Variants in UBE2Z observed in about 807,000 individuals in gnomAD.
UBE2Z encodes ubiquitin-conjugating enzyme E2 Z.
Under a neutral mutation model 32.6 loss-of-function variants are expected in UBE2Z, and 10 were observed. The ratio of observed to expected loss-of-function variants is 0.31; its 90% CI spans 0.19 to 0.52. UBE2Z has a LOEUF of 0.52. UBE2Z is among the 20% of genes least tolerant of loss of function. The pLI is 0.97. For missense variants in UBE2Z, 343 were observed against 480.9 expected, an observed-to-expected ratio of 0.71 and a Z score of 2.68; for synonymous variants, 183 against 190.8, an observed-to-expected ratio of 0.96 and a Z score of 0.34.
At chr17:48,912,071 T>G (rs1283248178) in intron 2 of UBE2Z, 1 of 151,648 alleles carries the variant, frequency 6.6e-6, no homozygotes, top group East Asian at 1.9e-4. Flanking sequence ...TTTTTTTTTT[T>G]TTTTTAAACA....
chr17:48,920,868 A>C (rs1255330007), intron 4 of UBE2Z, among the ~76,000 whole-genome samples: 2 of 151,824 alleles, frequency 1.3e-5, no homozygotes, highest in African/African-American at 4.8e-5. Flanking sequence ...TTTCCCACAT[A>C]ATCTTTACTT....
At chr17:48,926,864 C>T in intron 6 of UBE2Z, 100 bp from the exon 7 acceptor site, 1 of 1,345,746 alleles carries the variant, frequency 7.4e-7, no homozygotes, top group South Asian at 1.4e-5. Flanking sequence ...TCCCATGGCT[C>T]AGAAGTTGAG....
chr17:48,919,501 A>G (rs1297619493), intron 4 of UBE2Z, among the ~76,000 whole-genome samples: 1 of 152,026 alleles, frequency 6.6e-6, no homozygotes, highest in Non-Finnish European at 1.5e-5. Context: ...CTTTGAGACA[A>G]AGTCTTGCTT....
chr17:48,909,069 T>A, intron 1 of UBE2Z: 2 of 184,666 alleles, frequency 1.1e-5, no homozygotes, highest in Non-Finnish European at 1.1e-5. Flanking sequence ...CAACCTCCCG[T>A]GAGCCCTCCG....
At chr17:48,926,165 C>A (rs183572437) in intron 6 of UBE2Z, among the ~76,000 whole-genome samples, 2 of 152,100 alleles carry the variant, frequency 1.3e-5, no homozygotes, top group Non-Finnish European at 2.9e-5. Context: ...GTGACGAGTC[C>A]CTGGGGAGGA....
chr17:48,920,460 G>A (rs1231907076), intron 4 of UBE2Z, among the ~76,000 whole-genome samples: 1 of 151,988 alleles, frequency 6.6e-6, no homozygotes, highest in Non-Finnish European at 1.5e-5. Flanking sequence ...TCGTGCCATT[G>A]CACTCCAGCC....
In UBE2Z at chr17:48,908,665, G is replaced by A. The variant is rs2040647771; in HGVS notation, c.162G>A (p.Gly54=). ...GGGCGGCGGCGGCGGCAGCGGGCGGGGCCGGGGGCCCGGGGAGCGGCCTGG... is the reference window on the plus strand; with the variant it reads ...GGGCGGCGGCGGCGGCAGCGGGCGGAGCCGGGGGCCCGGGGAGCGGCCTGG... ...DVWAAAAAAG[G]AGGPGSGLAP... The change falls in exon 1 of 7, where the codon GGG becomes GGA. Residue 54 remains glycine, a synonymous_variant. Transcript: ENST00000360943. The A allele has an allele frequency of 1.6e-6, 2 of 1,223,752 alleles. No individual in the cohort carries two copies. The highest frequency in any genetic ancestry group is 3.3e-5 in the East Asian group (1 of 29,976). The allele number at this position is 1,223,752 out of a possible 1,614,324, so 75.8% of individuals were successfully genotyped here.
intron 2 of UBE2Z, 45 bp from the exon 3 acceptor site, chr17:48,912,789 G>A (rs1401534133): frequency 6.2e-7 from 1 of 1,606,376 alleles, no homozygotes; most frequent in Non-Finnish European, 8.5e-7. Context: ...AGGGCTTGGG[G>A]TGGGTCATCA....
At position 48,926,933 on chromosome 17, in the gene UBE2Z, T is replaced by C. The variant is rs772833196; in HGVS notation, c.895-31T>C. 38 of 1,596,528 alleles carry C rather than the reference T, an allele frequency of 2.4e-5. No homozygotes were observed. In the East Asian group the frequency reaches 6.9e-4, roughly 29 times the overall value. ...CTAGGATCAGCCACCCAGACTTGAA[T>C]CTTCCATCCCCTTGTCTCCTTTCCC... On this transcript the variant is annotated intron_variant, in intron 6 of 6. Coordinates refer to ENST00000360943, the MANE Select transcript of UBE2Z (RefSeq NM_023079.5).
In UBE2Z at chr17:48,916,258, G is replaced by GTTGTTTTT. The variant is rs1555580093; in HGVS notation, c.690+73_690+74insGTTTTTTT. 96 of 419,012 alleles carry GTTGTTTTT rather than the reference G, an allele frequency of 2.3e-4. No homozygotes were observed. The East Asian group carries it at 4.7e-3, about 20-fold the overall frequency. 26.0% of individuals were successfully genotyped at this position (419,012 alleles called of 1,614,324 possible). On this transcript the variant is annotated intron_variant, in intron 4 of 6. Transcript: ENST00000360943. ...GTTTGTTTGGTTGGTTGGTTTTTTT[G>GTTGTTTTT]TTTTTTTTTTTTTTTGAGACAGAGT...
At position 48,921,154 on chromosome 17, in the gene UBE2Z, T is replaced by C. The variant is rs551470399; in HGVS notation, c.691-6T>C. On this transcript the variant is annotated splice_polypyrimidine_tract_variant and splice_region_variant and intron_variant, in intron 4 of 6. Transcript: ENST00000360943. ...TTGGAATACTCTGGCATCTGTTACA[T>C]TATAGGAGAGACATCCAGGAGACAG... The C allele has an allele frequency of 6.2e-7, 1 of 1,606,032 alleles. No homozygotes were observed. Among genetic ancestry groups the C allele is most frequent in the African/African-American group, 1.3e-5 (1 of 74,842 alleles).
intron 4 of UBE2Z, among the ~76,000 whole-genome samples, chr17:48,920,412 G>C (rs978888429): frequency 4.6e-5 from 7 of 152,096 alleles, no homozygotes; most frequent in African/African-American, 1.7e-4. Context: ...CAGGAGAATC[G>C]CTTGAACCCA....
At chr17:48,912,226 A>G (rs2040684327) in intron 2 of UBE2Z, 1 of 152,684 alleles carries the variant, frequency 6.5e-6, no homozygotes, top group Non-Finnish European at 1.5e-5. Flanking sequence ...TACCCTAGGC[A>G]TCCATCACAC....
intron 1 of UBE2Z, 38 bp downstream of exon 1, chr17:48,908,858 G>C (rs755110534): frequency 1.3e-5 from 19 of 1,429,646 alleles, no homozygotes; most frequent in East Asian, 3.1e-5. Flanking sequence ...CCCGAGCTCC[G>C]GGGCTCGACC....
intron 1 of UBE2Z, 169 bp from the exon 2 acceptor site, chr17:48,910,639 A>G (rs151217051): frequency 3.5e-6 from 2 of 572,574 alleles, no homozygotes; most frequent in East Asian, 2.7e-5. Context: ...CCTGACAAGT[A>G]CTCAGCTGAG....
At chr17:48,915,872 C>CCCG (rs1555580018) in intron 3 of UBE2Z, 14 of 338,428 alleles carry the variant, frequency 4.1e-5, no homozygotes, top group South Asian at 3.3e-4. Context: ...TTTGCCCCCC[C>CCCG]CCCTTGATTT....
rs1247014408 is a variant in UBE2Z, at chr17:48,927,979, T to C, written c.*845T>C. The C allele has an allele frequency of 1.3e-5, 2 of 152,382 alleles. No homozygotes were observed. Among genetic ancestry groups the C allele is most frequent in the African/African-American group, 4.8e-5 (2 of 41,442 alleles). 9.4% of individuals were successfully genotyped at this position (152,382 alleles called of 1,614,324 possible). A position where few individuals can be genotyped will look rare whatever the true frequency, so the allele number is the denominator to read the frequency against. On this transcript the variant is annotated 3_prime_UTR_variant, in exon 7 of 7. Coordinates refer to ENST00000360943, the MANE Select transcript of UBE2Z (RefSeq NM_023079.5). Reference sequence around the variant, plus strand: ...TGTATATGGGATTAGAGCCACTACATAGAATAGTCTCTTACAGATTTTCAT... The same window carrying C: ...TGTATATGGGATTAGAGCCACTACACAGAATAGTCTCTTACAGATTTTCAT...
At chr17:48,917,004 C>T (rs780004136) in intron 4 of UBE2Z, among the ~76,000 whole-genome samples, 8 of 149,056 alleles carry the variant, frequency 5.4e-5, no homozygotes, top group Middle Eastern at 3.7e-3. Context: ...TCGGTCCCCC[C>T]ACCCCCAAAA....
chr17:48,927,155 T>C lies in UBE2Z; in HGVS notation c.*21T>C. ...TTTAGACCCTGCTCCCATCTCCCCT[T>C]CCCCCACTCAAGAGTCCCAGCAGAA... On this transcript the variant is annotated 3_prime_UTR_variant, in exon 7 of 7. Transcript: ENST00000360943. 1 of 1,611,808 alleles carries C rather than the reference T, an allele frequency of 6.2e-7. No individual in the cohort carries two copies. The highest frequency in any genetic ancestry group is 1.1e-5 in the South Asian group (1 of 90,848).
Sources: gnomAD v4.1 joint callset for allele counts (sites outside exome capture counted in the v4.1 genomes callset) on GRCh38, gnomAD v4.1.1 for gene constraint, MANE v1.5 for transcripts, NCBI Gene and HGNC (gene_info 2026-07-23, HGNC 2026-07-21) for gene names.